ZBTB47: variants seen among roughly 807,000 people sequenced by gnomAD.
ZBTB47 encodes the protein zinc finger and BTB domain containing 47.
In ZBTB47, 24 loss-of-function variants were observed where a neutral mutation model predicts 56.6. The ratio of observed to expected loss-of-function variants is 0.42; its 90% CI spans 0.31 to 0.60. ZBTB47 has a LOEUF of 0.60. Ranked by LOEUF, ZBTB47 falls within the 20% of genes least tolerant of loss-of-function variation. ZBTB47 has a pLI of 0.14. For synonymous variants in ZBTB47, 414 were observed against 418.9 expected (o/e 0.99, Z 0.14); for missense variants, 829 against 1,032.6 (o/e 0.80, Z 2.70).
chr3:42,658,397 C>T lies in ZBTB47; in HGVS notation c.42C>T (p.Leu14=). 1 of 1,536,944 alleles carries T rather than the reference C, an allele frequency of 6.5e-7. No homozygotes were observed. Among genetic ancestry groups the T allele is most frequent in the Non-Finnish European group, 8.7e-7 (1 of 1,146,906 alleles). ...LNEQRLFQPD[L]CDVDLVLVPQ... Reference sequence around the variant, plus strand: ...AGCAGCGCCTCTTCCAGCCTGACCTCTGCGACGTGGACTTGGTGCTGGTGC... The same window carrying T: ...AGCAGCGCCTCTTCCAGCCTGACCTTTGCGACGTGGACTTGGTGCTGGTGC... Residue 14 remains leucine (L), a synonymous_variant, in exon 2 of 6, where the codon CTC becomes CTT. Transcript: ENST00000232974.
At chr3:42,662,304 T>C (rs1382655811) in intron 3 of ZBTB47, among the ~76,000 whole-genome samples, 1 of 152,184 alleles carries the variant, frequency 6.6e-6, no homozygotes, top group African/African-American at 2.4e-5. Flanking sequence ...TCCTAATCCC[T>C]TTCTCCATGA....
Position 42,658,537 on chromosome 3 carries a change from C to T in ZBTB47, c.182C>T (p.Ala61Val). Residue 61 changes from alanine (A) to valine (V), a missense_variant, in exon 2 of 6, where the codon GCA (alanine) becomes GTA (valine). By Grantham distance (64) the Ala-to-Val change is moderately conservative. Coordinates refer to ENST00000232974, the MANE Select transcript of ZBTB47 (RefSeq NM_145166.4). ...QLQRVELSLE[A>V]LAPGGLQQIL... ...CAGCGTGTGGAGCTGTCCCTGGAGG[C>T]ACTGGCACCTGGTGGCCTGCAGCAG... The T allele has an allele frequency of 6.5e-7, 1 of 1,537,258 alleles. No homozygotes were observed. Among genetic ancestry groups the T allele is most frequent in the Non-Finnish European group, 8.7e-7 (1 of 1,146,930 alleles).
chr3:42,664,100 A>C (rs539854136), intron 5 of ZBTB47, 137 bp from the exon 6 acceptor site: 1 of 1,473,636 alleles, frequency 6.8e-7, no homozygotes, highest in African/African-American at 1.4e-5. Flanking sequence ...GGCTGGCACA[A>C]AATGCCCCAG....
Position 42,663,104 on chromosome 3 carries a change from G to C in ZBTB47, c.1714G>C (p.Gly572Arg). Residue 572 changes from glycine to arginine, a missense_variant, in exon 4 of 6, where the codon GGG becomes CGG. Gly to Arg is a moderately radical substitution (Grantham distance 125). This residue lies in a region of ZBTB47 where 187 missense variants were observed against 253.1 expected (regional missense o/e 0.74). Coordinates refer to ENST00000232974, the MANE Select transcript of ZBTB47 (RefSeq NM_145166.4). The surrounding 1 kb of genome is among the most constrained non-coding windows in gnomAD (Gnocchi z 5.1). Reference protein sequence around the residue: ...SLKVHSLQHSGEKPFRCENCN... With the variant: ...SLKVHSLQHSREKPFRCENCN... ...CAAGGTGCACTCACTGCAGCACTCAGGGGAGAAGCCGTTCAGATGTGAGGT... is the reference window on the plus strand; with the variant it reads ...CAAGGTGCACTCACTGCAGCACTCACGGGAGAAGCCGTTCAGATGTGAGGT... 6.2e-7 allele frequency: 1 copy of C among 1,613,806 alleles called. No individual in the cohort carries two copies. Among genetic ancestry groups the C allele is most frequent in the Non-Finnish European group, 8.5e-7 (1 of 1,179,702 alleles).
At position 42,658,937 on chromosome 3, in the gene ZBTB47, G is replaced by A. The variant is rs1218847156; in HGVS notation, c.582G>A (p.Glu194=). 5.3e-6 allele frequency: 8 copies of A among 1,500,570 alleles called. No individual in the cohort carries two copies. Among genetic ancestry groups the A allele is most frequent in the African/African-American group, 4.2e-5 (3 of 71,950 alleles). The allele number at this position is 1,500,570 out of a possible 1,614,324, so 93.0% of individuals were successfully genotyped here. The change falls in exon 2 of 6, where the codon GAG becomes GAA. Residue 194 remains glutamate (E), a synonymous_variant. Coordinates refer to ENST00000232974, the MANE Select transcript of ZBTB47 (RefSeq NM_145166.4). ...AGCCCTTCTTTAAGGAGGAGAAGGA[G>A]GGTGGTGTCGAGGAGGCCGGTGGGC... The part of the protein sequence containing the change: ...PAQPFFKEEK[E]GGVEEAGGPP...
In ZBTB47 at chr3:42,659,281, G is replaced by C. The variant is rs1710681466; in HGVS notation, c.926G>C (p.Gly309Ala). The C allele has an allele frequency of 6.0e-6, 9 of 1,505,060 alleles. No individual in the cohort carries two copies. Among genetic ancestry groups the C allele is most frequent in the Non-Finnish European group, 8.0e-6 (9 of 1,120,464 alleles). 93.2% of individuals were successfully genotyped at this position (1,505,060 alleles called of 1,614,324 possible). ...GREEEEEEEG[G>A]SQGEEEEEEE... ...GAGGAGGAGGAGGAGGAAGAGGGTG[G>C]CAGTCAGGGAGAAGAGGAAGAAGAG... Residue 309 changes from glycine (G) to alanine (A), a missense_variant, in exon 2 of 6, where the codon GGC becomes GCC. By Grantham distance (60) the Gly-to-Ala change is moderately conservative. This residue lies in a region of ZBTB47 where 359 missense variants were observed against 359.8 expected (regional missense o/e 1.00). Transcript: ENST00000232974.
Position 42,659,579 on chromosome 3 carries a change from T to G in ZBTB47, c.1224T>G (p.Pro408=), listed in dbSNP as rs1710688329. The G allele has an allele frequency of 6.2e-7, 1 of 1,601,318 alleles. No individual in the cohort carries two copies. Among genetic ancestry groups the G allele is most frequent in the South Asian group, 1.1e-5 (1 of 89,636 alleles). Residue 408 remains proline, a synonymous_variant, in exon 2 of 6, where the codon CCT becomes CCG. Transcript: ENST00000232974. ...RRGGKRPKPP[P]GVASASARGP... is the part of the protein sequence containing the mutation. ...GTGGGAAGAGGCCAAAGCCACCCCC[T>G]GGAGTGGCCTCTGCATCGGCCCGAG...
Position 42,663,770 on chromosome 3 carries a change from G to A in ZBTB47, c.1738-27G>A. 1 of 1,611,912 alleles carries A rather than the reference G, an allele frequency of 6.2e-7. No individual in the cohort carries two copies. Among genetic ancestry groups the A allele is most frequent in the Non-Finnish European group, 8.5e-7 (1 of 1,178,586 alleles). On this transcript the variant is annotated intron_variant, in intron 4 of 5. Transcript: ENST00000232974. This position sits in a 1 kb window ranked among gnomAD's most constrained non-coding sequence, Gnocchi z 5.1. The stretch of plus-strand genomic sequence containing the variant: ...AGGCTGCTCTTCTGCTCTGTGCCTG[G>A]GCCTCACCCCCAAACCCCACCCCCA...
At chr3:42,657,169 G>A (rs897571227) in intron 1 of ZBTB47, among the ~76,000 whole-genome samples, 10 of 152,180 alleles carry the variant, frequency 6.6e-5, no homozygotes, top group Admixed American at 5.9e-4. Context: ...TGGTAGAGCC[G>A]GGGTGACTGA....
In ZBTB47 at chr3:42,664,657, G is replaced by A; in HGVS notation, c.*59G>A. On this transcript the variant is annotated 3_prime_UTR_variant, in exon 6 of 6. Coordinates refer to ENST00000232974, the MANE Select transcript of ZBTB47 (RefSeq NM_145166.4). ...TGGAGTCAGGGCCCACTCCAGGAGG[G>A]ACCCACTGCCTTCCCGGGGAGCACA... is the stretch of plus-strand genomic sequence containing the variant. The A allele has an allele frequency of 1.5e-6, 2 of 1,364,198 alleles. No homozygotes were observed. Among genetic ancestry groups the A allele is most frequent in the East Asian group, 3.0e-5 (1 of 32,962 alleles). The allele number at this position is 1,364,198 out of a possible 1,614,324, so 84.5% of individuals were successfully genotyped here.
In ZBTB47 at chr3:42,658,794, G is replaced by A. The variant is rs779566905; in HGVS notation, c.439G>A (p.Asp147Asn). The A allele has an allele frequency of 2.0e-5, 31 of 1,532,544 alleles. No homozygotes were observed. Among genetic ancestry groups the A allele is most frequent in the East Asian group, 9.8e-5 (4 of 40,838 alleles). 94.9% of individuals were successfully genotyped at this position (1,532,544 alleles called of 1,614,324 possible). ...CTACTGTGACATCAAGCAGGAGGCC[G>A]ACACCCCAGGCCTGCCCAAGATCTA... Reference protein sequence around the residue: ...PYYCDIKQEADTPGLPKIYAR... With the variant: ...PYYCDIKQEANTPGLPKIYAR... The change falls in exon 2 of 6, where the codon GAC becomes AAC. Residue 147 changes from aspartate to asparagine, a missense_variant. By Grantham distance (23) the Asp-to-Asn change is conservative. Around this residue, in one of 6 missense-constraint regions of ZBTB47, gnomAD observed 120 missense variants for 200.2 expected, o/e 0.60. Transcript: ENST00000232974.
Position 42,666,447 on chromosome 3 carries a change from C to A in ZBTB47, c.*1849C>A, listed in dbSNP as rs1048950822. Among the ~76,000 whole-genome samples the A allele has an allele frequency of 6.6e-6, 1 of 152,186 alleles. No individual in the cohort carries two copies. Among genetic ancestry groups the A allele is most frequent in the South Asian group, 2.1e-4 (1 of 4,830 alleles). ...TTGCACTCCTTGATCTTTGGGCTTC[C>A]GTGATGTCCTCAGGGTCCCCCCCTC... On this transcript the variant is annotated 3_prime_UTR_variant, in exon 6 of 6. Coordinates refer to ENST00000232974, the MANE Select transcript of ZBTB47 (RefSeq NM_145166.4).
In ZBTB47 at chr3:42,666,474, C is replaced by T. The variant is rs1011011290; in HGVS notation, c.*1876C>T. 2.6e-5 allele frequency among the ~76,000 whole-genome samples: 4 copies of T among 152,310 alleles called. No individual in the cohort carries two copies. Among genetic ancestry groups the T allele is most frequent in the African/African-American group, 9.6e-5 (4 of 41,562 alleles). On this transcript the variant is annotated 3_prime_UTR_variant, in exon 6 of 6. Transcript: ENST00000232974. Reference sequence around the variant, plus strand: ...TGATGTCCTCAGGGTCCCCCCCTCCCTGTTGCTATTTTTAATCTCTAGTCC... The same window carrying T: ...TGATGTCCTCAGGGTCCCCCCCTCCTTGTTGCTATTTTTAATCTCTAGTCC...
chr3:42,660,028 G>A (rs1381802849), intron 2 of ZBTB47, among the ~76,000 whole-genome samples, 200 bp downstream of exon 2: 1 of 152,214 alleles, frequency 6.6e-6, no homozygotes, highest in East Asian at 1.9e-4. Flanking sequence ...CGAGCTTCCT[G>A]GGAGAGGTGG....
chr3:42,663,007 C>T lies in ZBTB47; in HGVS notation c.1622-5C>T, dbSNP rs1163064489. On this transcript the variant is annotated splice_region_variant and splice_polypyrimidine_tract_variant and intron_variant, in intron 3 of 5. Coordinates refer to ENST00000232974, the MANE Select transcript of ZBTB47 (RefSeq NM_145166.4). The surrounding 1 kb of genome is among the most constrained non-coding windows in gnomAD (Gnocchi z 5.1). ...AACATGATGGCCCTGGTGCCCACCTCGTAGCCCACACCAAGGACATGCCCT... is the reference window on the plus strand; with the variant it reads ...AACATGATGGCCCTGGTGCCCACCTTGTAGCCCACACCAAGGACATGCCCT... The T allele has an allele frequency of 1.3e-5, 21 of 1,610,252 alleles. No individual in the cohort carries two copies. The highest frequency in any genetic ancestry group is 6.7e-5 in the African/African-American group (5 of 74,844).
Position 42,659,204 on chromosome 3 carries a change from CGAGGAG to C in ZBTB47, c.861_866del (p.Glu293_Glu294del), listed in dbSNP as rs746031086. On this transcript the variant is annotated inframe_deletion, in exon 2 of 6. Transcript: ENST00000232974. Reference sequence around the variant, plus strand: ...ACTCGGACGAGGAGGAGGAGGACGACGAGGAGGAGGAGGAGGAAGAAGAGGAAGAGG... The same window carrying C: ...ACTCGGACGAGGAGGAGGAGGACGACGAGGAGGAGGAAGAAGAGGAAGAGG... 501 of 1,508,268 alleles carry C rather than the reference CGAGGAG, an allele frequency of 3.3e-4. 4 individuals carry two copies. The South Asian group carries it at 5.3e-3, about 16-fold the overall frequency. The allele number at this position is 1,508,268 out of a possible 1,614,324, so 93.4% of individuals were successfully genotyped here. A position where few individuals can be genotyped will look rare whatever the true frequency, so the allele number is the denominator to read the frequency against.
In ZBTB47 at chr3:42,658,798, C is replaced by T. The variant is rs746302640; in HGVS notation, c.443C>T (p.Thr148Ile). The change falls in exon 2 of 6, where the codon ACC becomes ATC. Residue 148 changes from threonine (T) to isoleucine (I), a missense_variant. Transcript: ENST00000232974. ...YYCDIKQEAD[T>I]PGLPKIYARE... Reference sequence around the variant, plus strand: ...TGTGACATCAAGCAGGAGGCCGACACCCCAGGCCTGCCCAAGATCTATGCC... The same window carrying T: ...TGTGACATCAAGCAGGAGGCCGACATCCCAGGCCTGCCCAAGATCTATGCC... 4.6e-6 allele frequency: 7 copies of T among 1,533,664 alleles called. No homozygotes were observed. In the Middle Eastern group the frequency reaches 8.4e-4, roughly 183 times the overall value.
intron 2 of ZBTB47, among the ~76,000 whole-genome samples, chr3:42,660,040 T>C (rs1710694762): frequency 6.6e-6 from 1 of 152,028 alleles, no homozygotes; most frequent in Admixed American, 6.6e-5. Context: ...GAGAGGTGGA[T>C]AGAGTTGGGC....
chr3:42,655,847 A>C (rs1173491343), intron 1 of ZBTB47, among the ~76,000 whole-genome samples: 4 of 152,222 alleles, frequency 2.6e-5, no homozygotes, highest in African/African-American at 4.8e-5. Context: ...GGCTGAGAGT[A>C]CTACCTTAGC....
Sources: allele counts gnomAD v4.1 joint callset (sites outside exome capture counted in the v4.1 genomes callset), GRCh38; gene constraint gnomAD v4.1.1; regional missense constraint gnomAD v4.1.1; non-coding constraint Gnocchi (gnomAD v3.1); transcripts MANE v1.5; gene names NCBI Gene and HGNC (gene_info 2026-07-23, HGNC 2026-07-21).